CDH8: variants seen among roughly 807,000 people sequenced by gnomAD.
CDH8 encodes cadherin 8, also known as cadherin-8.
CDH8 carries 17 observed loss-of-function variants against 68.1 expected under a neutral mutation model. The ratio of observed to expected loss-of-function variants is 0.25; its 90% CI spans 0.17 to 0.37. The LOEUF is 0.37. CDH8 is among the 10% of genes least tolerant of loss of function. The pLI, the probability that CDH8 is intolerant of heterozygous loss-of-function variation, is 1.00. For missense variants in CDH8, 763 were observed against 999.3 expected, an observed-to-expected ratio of 0.76 and a Z score of 3.19; for synonymous variants, 372 against 365.1, an observed-to-expected ratio of 1.02 and a Z score of -0.21.
rs779227539 is a variant in CDH8, at chr16:61,817,526, A to C, written c.1230T>G (p.Ile410Met). 32 of 1,613,888 alleles carry C rather than the reference A, an allele frequency of 2.0e-5. No individual in the cohort carries two copies. The East Asian group carries it at 7.1e-4, about 36-fold the overall frequency. The change falls in exon 7 of 12, where the codon ATT becomes ATG. Residue 410 changes from isoleucine (I) to methionine (M), a missense_variant. Ile to Met is a conservative substitution (Grantham distance 10). Transcript: ENST00000577390. ...CAGGGTCACGAGCAGTCACTTGCCC[A>C]ATCACGGAGTTTAGAGCAGCATTTT... is the stretch of plus-strand genomic sequence containing the variant. ...VHENAALNSV[I>M]GQVTARDPDI...
At chr16:61,801,725 G>A (rs999348073) in intron 7 of CDH8, among the ~76,000 whole-genome samples, 1 of 152,154 alleles carries the variant, frequency 6.6e-6, no homozygotes, top group Non-Finnish European at 1.5e-5. Flanking sequence ...GGAAAATCGG[G>A]TCACTCCCAC....
intron 2 of CDH8, among the ~76,000 whole-genome samples, chr16:61,964,914 G>A (rs1049509616): frequency 3.9e-5 from 6 of 152,064 alleles, no homozygotes; most frequent in South Asian, 2.1e-4. Flanking sequence ...AATAAAATCC[G>A]AATTCCTGAC....
intron 2 of CDH8, among the ~76,000 whole-genome samples, chr16:61,910,270 A>G (rs1214438289): frequency 1.3e-5 from 2 of 151,772 alleles, no homozygotes; most frequent in Admixed American, 1.3e-4. Context: ...CTCAAATTCT[A>G]TATTCTTAGA....
chr16:62,007,118 G>C (rs12932406), intron 2 of CDH8, among the ~76,000 whole-genome samples: 12,005 of 152,082 alleles, frequency 0.079, 642 homozygotes, highest in East Asian at 0.19. Context: ...ATATTGATCA[G>C]GCTGGTCTTG....
intron 2 of CDH8, among the ~76,000 whole-genome samples, chr16:61,914,298 T>C (rs1964203720): frequency 6.6e-6 from 1 of 152,190 alleles, no homozygotes; most frequent in African/African-American, 2.4e-5. Context: ...TACATCTTCC[T>C]AAAGCATACT....
chr16:61,936,935 A>G (rs1964636774), intron 2 of CDH8, among the ~76,000 whole-genome samples: 1 of 152,194 alleles, frequency 6.6e-6, no homozygotes, highest in South Asian at 2.1e-4. Flanking sequence ...AGATGCAAAT[A>G]AAATCACGTA....
At chr16:61,989,369 G>T (rs527956247) in intron 2 of CDH8, among the ~76,000 whole-genome samples, 27 of 152,328 alleles carry the variant, frequency 1.8e-4, no homozygotes, top group African/African-American at 6.0e-4. Flanking sequence ...TAGTGGCAAA[G>T]TGCTGATGTT....
At chr16:61,672,174 T>C (rs1437335121) in intron 10 of CDH8, among the ~76,000 whole-genome samples, 3 of 152,074 alleles carry the variant, frequency 2.0e-5, no homozygotes, top group Non-Finnish European at 4.4e-5. Flanking sequence ...TAGTGGGTAG[T>C]GATATAAAGA....
At chr16:61,719,036 A>G (rs1035438887) in intron 9 of CDH8, among the ~76,000 whole-genome samples, 2 of 151,128 alleles carry the variant, frequency 1.3e-5, no homozygotes, top group African/African-American at 4.8e-5. Flanking sequence ...ATCAAAATAT[A>G]TTGTCTGGAT....
chr16:62,004,202 A>G (rs113627870), intron 2 of CDH8, among the ~76,000 whole-genome samples: 14 of 152,210 alleles, frequency 9.2e-5, no homozygotes, highest in Non-Finnish European at 7.4e-5. Flanking sequence ...GTGAACTAGG[A>G]TATCACATCT....
intron 10 of CDH8, chr16:61,711,449 C>T (rs1964628345): frequency 6.6e-6 from 1 of 151,728 alleles, no homozygotes; most frequent in Admixed American, 6.6e-5. Flanking sequence ...TCATACTGCT[C>T]TCAGTAGAGA....
chr16:61,669,430 A>G (rs1442460993), intron 10 of CDH8, among the ~76,000 whole-genome samples: 1 of 152,072 alleles, frequency 6.6e-6, no homozygotes, highest in East Asian at 1.9e-4. Context: ...TTGGATGCAG[A>G]AAGTTTGCCT....
chr16:61,830,233 ACT>A (rs1401291203), intron 4 of CDH8, among the ~76,000 whole-genome samples: 1 of 151,784 alleles, frequency 6.6e-6, no homozygotes, highest in African/African-American at 2.4e-5. Flanking sequence ...ACAAGAGATA[ACT>A]CCCCTATTTT....
intron 2 of CDH8, among the ~76,000 whole-genome samples, chr16:61,935,850 T>A (rs753620036): frequency 2.6e-5 from 4 of 152,160 alleles, no homozygotes; most frequent in Non-Finnish European, 4.4e-5. Context: ...TGTGGAAAGC[T>A]GTTCATTATT....
At chr16:62,009,978 C>T (rs1346688190) in intron 2 of CDH8, among the ~76,000 whole-genome samples, 1 of 152,114 alleles carries the variant, frequency 6.6e-6, no homozygotes, top group African/African-American at 2.4e-5. Flanking sequence ...AGGCTAACCC[C>T]CGTATTAGGA....
At chr16:61,999,923 C>T (rs1965868382) in intron 2 of CDH8, among the ~76,000 whole-genome samples, 1 of 152,060 alleles carries the variant, frequency 6.6e-6, no homozygotes, top group African/African-American at 2.4e-5. Flanking sequence ...TTAAGCCCCG[C>T]ATGCATTAGG....
At chr16:61,964,931 C>G (rs1353305851) in intron 2 of CDH8, among the ~76,000 whole-genome samples, 2 of 152,150 alleles carry the variant, frequency 1.3e-5, no homozygotes, top group African/African-American at 2.4e-5. Flanking sequence ...TGACAGCATC[C>G]TACTCAGCTC....
At position 61,663,599 on chromosome 16, in the gene CDH8, T is replaced by G. The variant is rs570515275; in HGVS notation, c.1655-7878A>C. Among the ~76,000 whole-genome samples, 7 of 152,124 alleles carry G rather than the reference T, an allele frequency of 4.6e-5. 1 individual carries two copies. Among genetic ancestry groups the G allele is most frequent in the Non-Finnish European group, 7.4e-5 (5 of 67,954 alleles). On this transcript the variant is annotated intron_variant, in intron 10 of 11. Transcript: ENST00000577390. ...ATCCTCATAACATTGGTACCATTGT[T>G]TAACCCACTTCTATTTGGAATGGTT...
intron 4 of CDH8, among the ~76,000 whole-genome samples, chr16:61,835,866 G>C (rs1426843799): frequency 1.3e-5 from 2 of 151,954 alleles, no homozygotes; most frequent in Non-Finnish European, 2.9e-5. Flanking sequence ...GTTGTAGAGA[G>C]AATGGGGCAC....
Sources: gnomAD v4.1 joint callset for allele counts (sites outside exome capture counted in the v4.1 genomes callset) on GRCh38, gnomAD v4.1.1 for gene constraint, MANE v1.5 for transcripts, NCBI Gene and HGNC (gene_info 2026-07-23, HGNC 2026-07-21) for gene names.